The following TEP1 variants were observed in gnomAD, a reference collection of about 807,000 sequenced individuals.
TEP1 encodes the protein telomerase protein component 1.
A neutral mutation model predicts 306.3 loss-of-function variants in TEP1; 241 were observed. The ratio of observed to expected loss-of-function variants is 0.79; its 90% CI spans 0.71 to 0.88. TEP1 has a LOEUF of 0.88. Among genes scored for constraint, TEP1 ranks in the 40% least tolerant of loss-of-function variants. The pLI is 0.00. For missense variants in TEP1, 3,051 were observed against 3,276.1 expected, an observed-to-expected ratio of 0.93 and a Z score of 1.68; for synonymous variants, 1,289 against 1,305.5, an observed-to-expected ratio of 0.99 and a Z score of 0.27.
Position 20,381,218 on chromosome 14 carries a change from C to T in TEP1, c.4647+95G>A, listed in dbSNP as rs1326931100. The T allele has an allele frequency of 1.3e-5, 17 of 1,346,442 alleles. No individual in the cohort carries two copies. The highest frequency in any genetic ancestry group is 6.7e-5 in the Admixed American group (4 of 59,472). 83.4% of individuals were successfully genotyped at this position (1,346,442 alleles called of 1,614,324 possible). The stretch of plus-strand genomic sequence containing the variant: ...CAAGGGAGTTTGGGAGGGGTAATGG[C>T]GGCGGTGATGGTGGAGATGGTAACG... On this transcript the variant is annotated intron_variant, in intron 32 of 54. Transcript: ENST00000262715. The surrounding 1 kb of genome is among the most constrained non-coding windows in gnomAD (Gnocchi z 4.0).
intron 12 of TEP1, among the ~76,000 whole-genome samples, chr14:20,393,584 G>A (rs1451089616): frequency 1.3e-5 from 2 of 152,180 alleles, no homozygotes; most frequent in African/African-American, 2.4e-5. Flanking sequence ...TTGAGGTTGG[G>A]AGTTTGAGAG....
Position 20,377,726 on chromosome 14 carries a change from G to C in TEP1, c.5749C>G (p.Arg1917Gly). ...KVQVWSGSLG[R>G]PRGHLGSLSL... is the part of the protein sequence containing the mutation. ...AGGGAACCCAGGTGCCCACGGGGCC[G>C]ACCCAGAGACCCTGACCACACCTGA... Residue 1917 changes from arginine (R) to glycine (G), a missense_variant, in exon 40 of 55, where the codon CGG becomes GGG. Physicochemically the swap from Arg to Gly is moderately radical, Grantham distance 125 (BLOSUM62 -2). Around this residue, in one of 3 missense-constraint regions of TEP1, gnomAD observed 1,540 missense variants for 1,705.9 expected, o/e 0.90. Coordinates refer to ENST00000262715, the MANE Select transcript of TEP1 (RefSeq NM_007110.5). 2 of 1,613,778 alleles carry C rather than the reference G, an allele frequency of 1.2e-6. No individual in the cohort carries two copies. Among genetic ancestry groups the C allele is most frequent in the Non-Finnish European group, 1.7e-6 (2 of 1,179,966 alleles).
In TEP1 at chr14:20,388,070, T is replaced by C. The variant is rs1877358134; in HGVS notation, c.2526-7A>G. On this transcript the variant is annotated splice_polypyrimidine_tract_variant and splice_region_variant and intron_variant, in intron 17 of 54. Transcript: ENST00000262715. ...CCCATGCTCTGCAATGAACCTGACATAAATAACAAGATAAATGAGAGTAGA... is the reference window on the plus strand; with the variant it reads ...CCCATGCTCTGCAATGAACCTGACACAAATAACAAGATAAATGAGAGTAGA... 2 of 1,613,656 alleles carry C rather than the reference T, an allele frequency of 1.2e-6. No homozygotes were observed. The highest frequency in any genetic ancestry group is 1.7e-6 in the Non-Finnish European group (2 of 1,179,906).
In TEP1 at chr14:20,373,499, G is replaced by A. The variant is rs775997271; in HGVS notation, c.6681+8C>T. On this transcript the variant is annotated splice_region_variant and intron_variant, in intron 46 of 54. Transcript: ENST00000262715. ...CCTCCCTTGACTCTGGTCCTTGCAG[G>A]AACTCACCAAGAGTGGATGCCATAA... 3 of 1,614,170 alleles carry A rather than the reference G, an allele frequency of 1.9e-6. No individual in the cohort carries two copies. Among genetic ancestry groups the A allele is most frequent in the Non-Finnish European group, 1.7e-6 (2 of 1,180,020 alleles).
intron 53 of TEP1, 112 bp from the exon 54 acceptor site, chr14:20,369,014 T>C (rs372345258): frequency 1.3e-6 from 1 of 769,404 alleles, no homozygotes; most frequent in East Asian, 2.7e-5. Flanking sequence ...GTATTTCTTT[T>C]TTTTTTTTTT....
rs765933376 is a variant in TEP1 at position 20,387,887 on chromosome 14, A to G, written c.2684+18T>C. On this transcript the variant is annotated intron_variant, in intron 18 of 54. Coordinates refer to ENST00000262715, the MANE Select transcript of TEP1 (RefSeq NM_007110.5). Reference sequence around the variant, plus strand: ...GCAGCCCCTCCCAATTCACAAAGGCATAGAAACACAGACTGACCCTTGCTG... The same window carrying G: ...GCAGCCCCTCCCAATTCACAAAGGCGTAGAAACACAGACTGACCCTTGCTG... 1 of 1,582,112 alleles carries G rather than the reference A, an allele frequency of 6.3e-7. No individual in the cohort carries two copies. The highest frequency in any genetic ancestry group is 1.2e-5 in the South Asian group (1 of 84,688).
chr14:20,371,387 G>C (rs1594318714), intron 50 of TEP1, 73 bp from the exon 51 acceptor site: 2 of 1,593,954 alleles, frequency 1.3e-6, no homozygotes, highest in Non-Finnish European at 1.7e-6. Context: ...CTCTCTTTAA[G>C]ACTCCAGAGT....
At position 20,389,688 on chromosome 14, in the gene TEP1, A is replaced by T. The variant is rs769721921; in HGVS notation, c.2387T>A (p.Val796Glu). The change falls in exon 16 of 55, where the codon GTG becomes GAG. Residue 796 changes from valine (V) to glutamate (E), a missense_variant. Physicochemically the swap from Val to Glu is moderately radical, Grantham distance 121. This residue lies in a region of TEP1 where 1,507 missense variants were observed against 1,550.5 expected (regional missense o/e 0.97). Transcript: ENST00000262715. ...GQSMDDGMINVAKQLYWQRVN... is the reference protein window; with the variant it reads ...GQSMDDGMINEAKQLYWQRVN... ...ACGCTGCCAGTAAAGCTGTTTGGCC[A>T]CATTTATCATTCCATCATCCATGCT... 1.2e-6 allele frequency: 2 copies of T among 1,614,118 alleles called. No homozygotes were observed. Among genetic ancestry groups the T allele is most frequent in the Non-Finnish European group, 1.7e-6 (2 of 1,180,046 alleles).
In TEP1 at chr14:20,403,829, G is replaced by A; in HGVS notation, c.1088C>T (p.Thr363Ile). The change falls in exon 6 of 55, where the codon ACT becomes ATT. Residue 363 changes from threonine (T) to isoleucine (I), a missense_variant. Transcript: ENST00000262715. ...CTGGGCAAATTTGTCCGTCATGGCAGTACGGAGACAGGCGGGCAGGGGCAC... is the reference window on the plus strand; with the variant it reads ...CTGGGCAAATTTGTCCGTCATGGCAATACGGAGACAGGCGGGCAGGGGCAC... ...KLVPLPACLR[T>I]AMTDKFAQFD... 1.2e-6 allele frequency: 2 copies of A among 1,614,172 alleles called. No individual in the cohort carries two copies. The highest frequency in any genetic ancestry group is 1.7e-6 in the Non-Finnish European group (2 of 1,180,034).
chr14:20,407,682 T>C (rs1378108749), intron 2 of TEP1, among the ~76,000 whole-genome samples, 191 bp downstream of exon 2: 3 of 152,154 alleles, frequency 2.0e-5, no homozygotes, highest in East Asian at 1.9e-4. Flanking sequence ...ATATCTCCAA[T>C]GTAGATATGC....
At position 20,384,584 on chromosome 14, in the gene TEP1, A is replaced by G. The variant is rs749408845; in HGVS notation, c.3221+16T>C. The G allele has an allele frequency of 5.0e-6, 8 of 1,612,976 alleles. No homozygotes were observed. The Admixed American group carries it at 1.3e-4, about 27-fold the overall frequency. On this transcript the variant is annotated intron_variant, in intron 22 of 54. Transcript: ENST00000262715. ...CCACATCTCTGTACAGGTGCTCCCT[A>G]CCTCCCTCAGCTCACCTGCGGCAGG...
At chr14:20,392,602 A>G (rs1877817961) in intron 12 of TEP1, among the ~76,000 whole-genome samples, 1 of 152,246 alleles carries the variant, frequency 6.6e-6, no homozygotes, top group African/African-American at 2.4e-5. Flanking sequence ...CATAAGAACA[A>G]TTAAAAGGTT....
At position 20,369,367 on chromosome 14, in the gene TEP1, G is replaced by A; in HGVS notation, c.7633C>T (p.Leu2545=). The A allele has an allele frequency of 1.2e-6, 2 of 1,614,016 alleles. No individual in the cohort carries two copies. Among genetic ancestry groups the A allele is most frequent in the Non-Finnish European group, 1.7e-6 (2 of 1,179,966 alleles). ...ASMDSEPTPH[L]KTRQRRKIHS... ...ACCTTTCTACGCTGCCGTGTCTTTA[G>A]ATGTGGTGTTGGCTCACTATCCATG... The change falls in exon 53 of 55, where the codon CTA becomes TTA. Residue 2545 remains leucine (L), a synonymous_variant. Transcript: ENST00000262715.
intron 25 of TEP1, 45 bp from the exon 26 acceptor site, chr14:20,383,689 A>G (rs201084284): frequency 6.3e-7 from 1 of 1,595,752 alleles, no homozygotes; most frequent in African/African-American, 1.4e-5. Context: ...AGAAAAAAAA[A>G]GCAGGGGTGG....
chr14:20,409,817 G>T (rs552019817), intron 1 of TEP1, among the ~76,000 whole-genome samples: 2 of 151,906 alleles, frequency 1.3e-5, no homozygotes, highest in South Asian at 4.2e-4. Flanking sequence ...TCAGGAGATC[G>T]AGACCATCCT....
rs1876904035 is a variant in TEP1, at chr14:20,384,237, G to A, written c.3340-5C>T. The A allele has an allele frequency of 6.2e-7, 1 of 1,613,228 alleles. No homozygotes were observed. The highest frequency in any genetic ancestry group is 8.5e-7 in the Non-Finnish European group (1 of 1,179,498). ...CTGCTCCAGCAGGGCCCCAGGCTGA[G>A]GGTAAATGGGTCAGTGACTATCCAT... On this transcript the variant is annotated splice_polypyrimidine_tract_variant and splice_region_variant and intron_variant, in intron 23 of 54. Transcript: ENST00000262715.
At position 20,376,269 on chromosome 14, in the gene TEP1, A is replaced by G. The variant is rs754839281; in HGVS notation, c.6089-5T>C. 10 of 1,610,740 alleles carry G rather than the reference A, an allele frequency of 6.2e-6. No individual in the cohort carries two copies. Among genetic ancestry groups the G allele is most frequent in the Middle Eastern group, 1.7e-4 (1 of 6,036 alleles). On this transcript the variant is annotated splice_polypyrimidine_tract_variant and splice_region_variant and intron_variant, in intron 41 of 54. Coordinates refer to ENST00000262715, the MANE Select transcript of TEP1 (RefSeq NM_007110.5). ...ACAGCTGCACTGTGAAATCCTCTGCATTGGAAAAAGAGAGAGGGAACAGCT... is the reference window on the plus strand; with the variant it reads ...ACAGCTGCACTGTGAAATCCTCTGCGTTGGAAAAAGAGAGAGGGAACAGCT...
intron 33 of TEP1, 120 bp downstream of exon 33, chr14:20,380,811 G>A: frequency 1.1e-6 from 1 of 876,676 alleles, no homozygotes; most frequent in South Asian, 1.7e-5. Flanking sequence ...ACTCGAAATG[G>A]AAATTTGAAT....
intron 44 of TEP1, 127 bp downstream of exon 44, chr14:20,374,302 C>T: frequency 1.7e-6 from 1 of 601,010 alleles, no homozygotes; most frequent in Non-Finnish European, 2.8e-6. Context: ...TCCTATGTTG[C>T]CTAATCTCTA....
Sources: gnomAD v4.1 joint callset for allele counts (sites outside exome capture counted in the v4.1 genomes callset) on GRCh38, gnomAD v4.1.1 for gene constraint, gnomAD v4.1.1 regional missense constraint, Gnocchi (gnomAD v3.1) non-coding constraint, MANE v1.5 for transcripts, NCBI Gene and HGNC (gene_info 2026-07-23, HGNC 2026-07-21) for gene names.